FOXP1: variants seen among roughly 807,000 people sequenced by gnomAD.
FOXP1 encodes forkhead box P1.
A neutral mutation model predicts 98.2 loss-of-function variants in FOXP1; 15 were observed. The ratio of observed to expected loss-of-function variants is 0.15; its 90% confidence interval spans 0.10 to 0.24. The LOEUF (loss-of-function observed/expected upper bound fraction) is 0.24. Ranked by LOEUF, FOXP1 falls within the 10% of genes least tolerant of loss-of-function variation. FOXP1 has a pLI of 1.00. For missense variants in FOXP1, 633 were observed against 848.5 expected (o/e 0.75, Z 3.15); for synonymous variants, 371 against 314.5 (o/e 1.18, Z -1.90).
intron 7 of FOXP1, among the ~76,000 whole-genome samples, chr3:71,054,463 G>A (rs1369700492): frequency 2.6e-5 from 4 of 152,150 alleles, no homozygotes; most frequent in African/African-American, 4.8e-5. Context: ...GTTTCTGCAC[G>A]GGCATCTTTG....
chr3:71,016,674 C>CACAG (rs1307418115), intron 11 of FOXP1, among the ~76,000 whole-genome samples: 1 of 151,680 alleles, frequency 6.6e-6, no homozygotes, highest in Non-Finnish European at 1.5e-5. Flanking sequence ...CACACACACA[C>CACAG]ACACACACAC....
chr3:71,509,206 C>T (rs2042027508), intron 2 of FOXP1, among the ~76,000 whole-genome samples: 1 of 152,182 alleles, frequency 6.6e-6, no homozygotes, highest in Admixed American at 6.5e-5. Flanking sequence ...ATTAGTCAGC[C>T]AGGGCTGCTG....
intron 10 of FOXP1, among the ~76,000 whole-genome samples, chr3:71,045,843 C>T (rs967253737): frequency 1.9e-4 from 29 of 152,164 alleles, no homozygotes; most frequent in Admixed American, 7.2e-4. Context: ...TTAAGCAACA[C>T]GAAGGAGTTT....
intron 7 of FOXP1, among the ~76,000 whole-genome samples, chr3:71,071,014 C>T (rs2053159551): frequency 6.6e-6 from 1 of 152,180 alleles, no homozygotes. Flanking sequence ...CACTGTGTGG[C>T]ATAGAAGCTG....
At chr3:71,046,476 G>A (rs565248665) in intron 10 of FOXP1, among the ~76,000 whole-genome samples, 70 of 152,116 alleles carry the variant, frequency 4.6e-4, no homozygotes, top group Non-Finnish European at 6.3e-4. Context: ...GATTTCTATC[G>A]TTTACAGAAA....
intron 3 of FOXP1, among the ~76,000 whole-genome samples, chr3:71,472,247 C>T (rs561964098): frequency 6.6e-6 from 1 of 152,040 alleles, no homozygotes; most frequent in South Asian, 2.1e-4. Flanking sequence ...TGTGAATTCC[C>T]CTATTTAACT....
At chr3:71,115,603 C>T (rs1022652641) in intron 6 of FOXP1, among the ~76,000 whole-genome samples, 65 of 152,190 alleles carry the variant, frequency 4.3e-4, no homozygotes, top group Admixed American at 1.2e-3. Flanking sequence ...TCCCAAAGTG[C>T]TGGGATTACA....
intron 6 of FOXP1, among the ~76,000 whole-genome samples, chr3:71,162,723 C>G (rs2061203432): frequency 6.6e-6 from 1 of 152,120 alleles, no homozygotes; most frequent in Admixed American, 6.5e-5. Context: ...AAAAAGAACC[C>G]AAAAAGCTTC....
In FOXP1 at chr3:70,955,217, AT is replaced by A. The variant is rs753706183; in HGVS notation, c.*4029del. 253 of 231,964 alleles carry A rather than the reference AT, an allele frequency of 1.1e-3. 2 individuals are homozygous for A. The highest frequency in any genetic ancestry group is 9.6e-4 in the Non-Finnish European group (113 of 117,336). 14.4% of individuals were successfully genotyped at this position (231,964 alleles called of 1,614,324 possible). Reference sequence around the variant, plus strand: ...AAGAGAGGAAATATTTTTTAACTCTATTTTTTTTCATGAGGAAAAAAAAGCT... The same window carrying A: ...AAGAGAGGAAATATTTTTTAACTCTATTTTTTTCATGAGGAAAAAAAAGCT... On this transcript the variant is annotated 3_prime_UTR_variant, in exon 21 of 21. Transcript: ENST00000649528.
At chr3:71,198,431 G>GCCCCC in intron 5 of FOXP1, 39 bp from the exon 6 acceptor site, 1 of 510,700 alleles carries the variant, frequency 2.0e-6, no homozygotes. Flanking sequence ...AGGGAGGGGG[G>GCCCCC]GAGAAAAAAA....
chr3:71,124,142 T>TAA lies in FOXP1; in HGVS notation c.181-11507_181-11506dup, dbSNP rs397708537. 3.3e-3 allele frequency among the ~76,000 whole-genome samples: 495 copies of TAA among 150,080 alleles called. 3 individuals are homozygous for TAA. Among genetic ancestry groups the TAA allele is most frequent in the Middle Eastern group, 6.8e-3 (2 of 292 alleles). On this transcript the variant is annotated intron_variant, in intron 6 of 20. Transcript: ENST00000649528. The stretch of plus-strand genomic sequence containing the variant: ...AATAAAAGTTAAAGTTATATTTTTT[T>TAA]AAAAAAAAAATGATACAGAGGGACT...
chr3:71,139,103 T>G (rs896835922), intron 6 of FOXP1, among the ~76,000 whole-genome samples: 7 of 152,200 alleles, frequency 4.6e-5, no homozygotes, highest in Non-Finnish European at 1.0e-4. Flanking sequence ...TTTTCTTTTA[T>G]GATTACAATC....
At chr3:71,572,176 G>C (rs1290626536) in intron 2 of FOXP1, 1 of 152,174 alleles carries the variant, frequency 6.6e-6, no homozygotes, top group African/African-American at 2.4e-5. Flanking sequence ...AAATGGCTAG[G>C]CTCCTTCAAA....
intron 6 of FOXP1, among the ~76,000 whole-genome samples, chr3:71,151,698 T>G (rs2060582722): frequency 1.4e-5 from 2 of 144,804 alleles, no homozygotes; most frequent in Admixed American, 1.4e-4. Context: ...AATGAAATAA[T>G]TATTTTTTGG....
At chr3:71,536,327 C>G (rs1560622176) in intron 2 of FOXP1, among the ~76,000 whole-genome samples, 1 of 152,234 alleles carries the variant, frequency 6.6e-6, no homozygotes, top group East Asian at 1.9e-4. Context: ...CAGAACAATG[C>G]AATTCGCTTA....
At chr3:71,113,567 G>T (rs1254031966) in intron 6 of FOXP1, among the ~76,000 whole-genome samples, 1 of 152,026 alleles carries the variant, frequency 6.6e-6, no homozygotes, top group African/African-American at 2.4e-5. Flanking sequence ...ACAAAAATTA[G>T]CTGGGTGTGG....
At chr3:71,306,597 T>C (rs1036512043) in intron 4 of FOXP1, among the ~76,000 whole-genome samples, 2 of 105,738 alleles carry the variant, frequency 1.9e-5, no homozygotes, top group African/African-American at 3.7e-5. Context: ...TCACACATAA[T>C]ACATTCAAGC....
chr3:70,992,106 C>T (rs190152796), intron 13 of FOXP1, among the ~76,000 whole-genome samples: 6 of 152,264 alleles, frequency 3.9e-5, no homozygotes, highest in East Asian at 1.9e-4. Flanking sequence ...CCAAGTGAAA[C>T]GACTGCGGTC....
intron 4 of FOXP1, among the ~76,000 whole-genome samples, chr3:71,341,693 C>T (rs762231027): frequency 6.6e-6 from 1 of 151,724 alleles, no homozygotes; most frequent in Non-Finnish European, 1.5e-5. Flanking sequence ...AGTGAGACTC[C>T]GTCTCAAAAG....
Sources: allele counts gnomAD v4.1 joint callset (sites outside exome capture counted in the v4.1 genomes callset), GRCh38; gene constraint gnomAD v4.1.1; transcripts MANE v1.5; gene names NCBI Gene and HGNC (gene_info 2026-07-23, HGNC 2026-07-21).